The following RBFOX1 variants were observed in gnomAD, a reference collection of about 807,000 sequenced individuals.
The protein encoded by RBFOX1 is RNA binding protein fox-1 homolog 1.
RBFOX1 carries 8 observed loss-of-function variants against 57.7 expected under a neutral mutation model. That is an observed-to-expected ratio of 0.14 (90% CI 0.08 to 0.25). The LOEUF (loss-of-function observed/expected upper bound fraction) is 0.25. Among genes scored for constraint, RBFOX1 ranks in the 10% least tolerant of loss-of-function variants. The pLI is 1.00. For synonymous variants in RBFOX1, 326 were observed against 222.4 expected (o/e 1.47, Z -4.15); for missense variants, 611 against 548.5 (o/e 1.11, Z -1.14).
At chr16:5,333,708 C>G (rs916449936) in intron 1 of RBFOX1, among the ~76,000 whole-genome samples, 4 of 152,160 alleles carry the variant, frequency 2.6e-5, no homozygotes, top group African/African-American at 9.7e-5. Flanking sequence ...TTATACAAAC[C>G]TAGATGGTAT....
intron 3 of RBFOX1, among the ~76,000 whole-genome samples, chr16:6,841,581 C>G (rs927206185): frequency 2.0e-5 from 3 of 152,154 alleles, no homozygotes; most frequent in Admixed American, 6.5e-5. Flanking sequence ...TACGAGCTGT[C>G]CACCCACAGT....
intron 4 of RBFOX1, among the ~76,000 whole-genome samples, chr16:7,077,755 T>G (rs1282268138): frequency 6.6e-6 from 1 of 152,228 alleles, no homozygotes; most frequent in African/African-American, 2.4e-5. Context: ...ATTAAACTTG[T>G]CCTGTTAGCA....
intron 14 of RBFOX1, among the ~76,000 whole-genome samples, chr16:7,692,727 ATT>A (rs2077622572): frequency 6.6e-6 from 1 of 152,082 alleles, no homozygotes. Context: ...AGCATTTTCT[ATT>A]TTCATTATTT....
chr16:6,037,234 A>G (rs1202778815), intron 1 of RBFOX1: 3 of 152,226 alleles, frequency 2.0e-5, no homozygotes, highest in East Asian at 3.8e-4. Context: ...CACAACAGTA[A>G]TGTTTTCTTA....
At chr16:5,693,827 C>A (rs1299201398) in intron 3 of RBFOX1, among the ~76,000 whole-genome samples, 1 of 152,180 alleles carries the variant, frequency 6.6e-6, no homozygotes, top group African/African-American at 2.4e-5. Flanking sequence ...AAACTCAGCT[C>A]AAGTATTGTC....
At chr16:5,834,710 GATAGATAC>G (rs67915249) in intron 3 of RBFOX1, among the ~76,000 whole-genome samples, 19 of 124,618 alleles carry the variant, frequency 1.5e-4, no homozygotes, top group African/African-American at 7.3e-4. Context: ...TAGATAGATA[GATAGATAC>G]ATAGATACAT....
intron 3 of RBFOX1, among the ~76,000 whole-genome samples, chr16:5,768,066 C>G (rs567660305): frequency 6.6e-6 from 1 of 152,242 alleles, no homozygotes; most frequent in Non-Finnish European, 1.5e-5. Context: ...TTTCTATTTC[C>G]AAGAGTAGAC....
rs991403491 is a variant in RBFOX1, at chr16:7,192,388, G to C, written c.27+140290G>C. Among the ~76,000 whole-genome samples the C allele has an allele frequency of 3.9e-5, 6 of 152,166 alleles. No individual in the cohort carries two copies. In the South Asian group the frequency reaches 6.2e-4, roughly 16 times the overall value. ...CTGGGTGCTTCTCTGAATCCTAGTAGTGTTTGCTTAGGAGCTTTAGACTCA... is the reference window on the plus strand; with the variant it reads ...CTGGGTGCTTCTCTGAATCCTAGTACTGTTTGCTTAGGAGCTTTAGACTCA... On this transcript the variant is annotated intron_variant, in intron 4 of 15. Transcript: ENST00000550418.
chr16:5,834,343 A>T (rs760387730), intron 3 of RBFOX1, among the ~76,000 whole-genome samples: 2 of 152,196 alleles, frequency 1.3e-5, no homozygotes, highest in African/African-American at 4.8e-5. Context: ...ATAAGTGAGA[A>T]CATGAGGTAT....
chr16:5,918,965 C>G (rs1326216199), intron 4 of RBFOX1, among the ~76,000 whole-genome samples: 4 of 152,174 alleles, frequency 2.6e-5, no homozygotes, highest in African/African-American at 4.8e-5. Flanking sequence ...ATGGGGTGAA[C>G]AGTGGACACA....
At position 7,578,894 on chromosome 16, in the gene RBFOX1, T is replaced by C. The variant is rs143562705; in HGVS notation, c.271-883T>C. 2.6e-5 allele frequency among the ~76,000 whole-genome samples: 4 copies of C among 152,262 alleles called. No individual in the cohort carries two copies. In the East Asian group the frequency reaches 7.7e-4, roughly 29 times the overall value. On this transcript the variant is annotated intron_variant, in intron 5 of 15. Transcript: ENST00000550418. ...CTTTTCCCCTCGTTCCTGCCAAATA[T>C]GTGGGTGTCAATGTAACGTCATGTT... is the stretch of plus-strand genomic sequence containing the variant.
chr16:6,943,092 CCCAGGAGGGAG>C (rs1214050215), intron 3 of RBFOX1, among the ~76,000 whole-genome samples: 4 of 152,138 alleles, frequency 2.6e-5, no homozygotes, highest in African/African-American at 9.7e-5. Flanking sequence ...AGAGCAGGTC[CCCAGGAGGGAG>C]CCAATCTGGG....
rs1196942249 is a variant in RBFOX1, at chr16:5,489,127, C to G, written c.258+21873C>G. On this transcript the variant is annotated intron_variant, in intron 2 of 2. Coordinates refer to the RBFOX1 transcript ENST00000585867. ...GCTGCCTGTCCAGCTTTGCCTGACA[C>G]TAAGTCTCTGTGGGCAGCAGAGGGA... Among the ~76,000 whole-genome samples the G allele has an allele frequency of 3.3e-5, 5 of 152,322 alleles. No homozygotes were observed. The South Asian group carries it at 1.0e-3, about 32-fold the overall frequency.
At chr16:6,387,432 G>A (rs377368481) in intron 2 of RBFOX1, among the ~76,000 whole-genome samples, 10 of 150,344 alleles carry the variant, frequency 6.7e-5, no homozygotes, top group African/African-American at 2.2e-4. Flanking sequence ...TCTTGCTTGT[G>A]AGGGAAGAGC....
intron 1 of RBFOX1, among the ~76,000 whole-genome samples, chr16:5,247,050 C>A (rs557493009): frequency 2.0e-5 from 3 of 152,178 alleles, no homozygotes; most frequent in Non-Finnish European, 4.4e-5. Context: ...TTTCACTTAA[C>A]GTAATATCCT....
chr16:5,954,998 T>C (rs7192609), intron 4 of RBFOX1, among the ~76,000 whole-genome samples: 121,330 of 150,730 alleles, frequency 0.8, 49,015 homozygotes, highest in African/African-American at 0.86. Context: ...TCAGTCTTTC[T>C]AGCTGGACGT....
At chr16:5,733,729 C>A (rs539884025) in intron 3 of RBFOX1, among the ~76,000 whole-genome samples, 2 of 151,922 alleles carry the variant, frequency 1.3e-5, no homozygotes, top group Admixed American at 1.3e-4. Context: ...CTCTTTATTC[C>A]CTTCCTATCT....
intron 1 of RBFOX1, among the ~76,000 whole-genome samples, chr16:5,405,550 C>G (rs1050169522): frequency 6.6e-6 from 1 of 152,114 alleles, no homozygotes; most frequent in Non-Finnish European, 1.5e-5. Flanking sequence ...TCTTTATTAG[C>G]TGCGTGAGAA....
chr16:7,092,365 C>G (rs981333141), intron 4 of RBFOX1, among the ~76,000 whole-genome samples: 3 of 152,184 alleles, frequency 2.0e-5, no homozygotes, highest in African/African-American at 7.2e-5. Flanking sequence ...AACAAAGCCT[C>G]TGAGAGGAAA....
Sources: allele counts gnomAD v4.1 joint callset (sites outside exome capture counted in the v4.1 genomes callset), GRCh38; gene constraint gnomAD v4.1.1; transcripts MANE v1.5; gene names NCBI Gene and HGNC (gene_info 2026-07-23, HGNC 2026-07-21).